GORAB: variants seen among roughly 807,000 people sequenced by gnomAD.
GORAB encodes golgin, RAB6 interacting, also known as RAB6-interacting golgin.
In GORAB, 17 loss-of-function variants were observed where a neutral mutation model predicts 29.9. The observed-to-expected ratio is 0.57, with a 90% CI of 0.39 to 0.85. The LOEUF is 0.85. Among genes scored for constraint, GORAB ranks in the 40% least tolerant of loss-of-function variants. GORAB has a pLI of 0.00. For missense variants in GORAB, 442 were observed against 437.8 expected (o/e 1.01, Z -0.09); for synonymous variants, 183 against 157.2 (o/e 1.16, Z -1.23).
chr1:170,549,216 TTATG>T (rs1649970426), intron 4 of GORAB, among the ~76,000 whole-genome samples: 1 of 152,222 alleles, frequency 6.6e-6, no homozygotes, highest in South Asian at 2.1e-4. Flanking sequence ...TCTTACTGTG[TTATG>T]TATAATGCTC....
intron 1 of GORAB, among the ~76,000 whole-genome samples, chr1:170,538,713 T>C (rs529516240): frequency 4.6e-5 from 7 of 152,348 alleles, no homozygotes; most frequent in African/African-American, 1.4e-4. Flanking sequence ...ATGCCTGTTA[T>C]AGCATCTGAA....
rs1165268185 is a variant in GORAB, at chr1:170,553,545, A to G, written c.*1083A>G. 6.9e-6 allele frequency: 3 copies of G among 433,746 alleles called. No homozygotes were observed. The highest frequency in any genetic ancestry group is 7.0e-5 in the East Asian group (1 of 14,300). The allele number at this position is 433,746 out of a possible 1,614,324, so 26.9% of individuals were successfully genotyped here. A position where few individuals can be genotyped will look rare whatever the true frequency, so the allele number is the denominator to read the frequency against. ...TTTTTTTAAAAAAAGAATTATTATC[A>G]GAGAACATAAGCACAAGTATAAGAT... On this transcript the variant is annotated 3_prime_UTR_variant, in exon 5 of 5. Transcript: ENST00000367763.
At chr1:170,551,360 G>T (rs1276868328) in intron 4 of GORAB, among the ~76,000 whole-genome samples, 1 of 152,142 alleles carries the variant, frequency 6.6e-6, no homozygotes, top group Non-Finnish European at 1.5e-5. Context: ...TCTACTTGAT[G>T]TTTACTTCTT....
intron 4 of GORAB, among the ~76,000 whole-genome samples, chr1:170,550,783 A>G (rs1650054601): frequency 6.6e-6 from 1 of 152,236 alleles, no homozygotes; most frequent in Admixed American, 6.5e-5. Flanking sequence ...GGCCTTCACA[A>G]CTGCTAATGG....
chr1:170,539,021 T>A (rs1167650120), intron 1 of GORAB, 189 bp from the exon 2 acceptor site: 1 of 658,496 alleles, frequency 1.5e-6, no homozygotes, highest in East Asian at 2.7e-5. Context: ...AATATTAACA[T>A]TATGATCTGA....
chr1:170,532,505 G>C, intron 1 of GORAB: 1 of 553,324 alleles, frequency 1.8e-6, no homozygotes, highest in South Asian at 2.0e-5. Context: ...TAGAAAAAAC[G>C]GTCCAGGAAT....
rs200082761 is a variant in GORAB, at chr1:170,539,385, T to C, written c.237T>C (p.Pro79=). ...PKQRVNVQKP[P]FSSPTLPSHF... ...AGAGAGTTAACGTTCAAAAACCACC[T>C]TTTTCTTCCCCTACTCTTCCGAGTC... The change falls in exon 2 of 5, where the codon CCT becomes CCC. Residue 79 remains proline, a synonymous_variant. Transcript: ENST00000367763. 2 of 1,614,076 alleles carry C rather than the reference T, an allele frequency of 1.2e-6. No homozygotes were observed. The highest frequency in any genetic ancestry group is 3.3e-5 in the Admixed American group (2 of 60,014).
intron 4 of GORAB, among the ~76,000 whole-genome samples, chr1:170,547,290 T>A (rs1392659872): frequency 1.3e-5 from 2 of 152,170 alleles, no homozygotes; most frequent in Admixed American, 1.3e-4. Flanking sequence ...CAAAAGGTTC[T>A]TGGATAGTGA....
chr1:170,543,202 C>T (rs182844209), intron 3 of GORAB, among the ~76,000 whole-genome samples: 4 of 152,252 alleles, frequency 2.6e-5, no homozygotes, highest in South Asian at 2.1e-4. Context: ...TTGTACCAGC[C>T]GCACACAACA....
At chr1:170,536,784 A>G (rs933001622) in intron 1 of GORAB, among the ~76,000 whole-genome samples, 1 of 152,242 alleles carries the variant, frequency 6.6e-6, no homozygotes, top group African/African-American at 2.4e-5. Context: ...ATGACTATTG[A>G]CAGTGTAATA....
rs12063774 is a variant in GORAB, at chr1:170,553,527, A to T, written c.*1065A>T. On this transcript the variant is annotated 3_prime_UTR_variant, in exon 5 of 5. Transcript: ENST00000367763. ...TTACCTTTGAGGACTTTTTTTTTTTAAAAAAAGAATTATTATCAGAGAACA... is the reference window on the plus strand; with the variant it reads ...TTACCTTTGAGGACTTTTTTTTTTTTAAAAAAGAATTATTATCAGAGAACA... The T allele has an allele frequency of 0.025, 10,604 of 424,340 alleles. 689 individuals carry two copies. Among genetic ancestry groups the T allele is most frequent in the African/African-American group, 0.17 (8,059 of 47,614 alleles). 26.3% of individuals were successfully genotyped at this position (424,340 alleles called of 1,614,324 possible).
rs1311275404 is a variant in GORAB at position 170,539,455 on chromosome 1, A to G, written c.307A>G (p.Ile103Val). ...SPVGDGQPQG[I>V]ESQPKELGLE... ...CGTTGGTGATGGACAACCACAGGGC[A>G]TTGAAAGTCAGCCAAAGGAACTGGG... Residue 103 changes from isoleucine (I) to valine (V), a missense_variant, in exon 2 of 5, where the codon ATT becomes GTT. Physicochemically the swap from Ile to Val is conservative, Grantham distance 29. Transcript: ENST00000367763. 1.2e-6 allele frequency: 2 copies of G among 1,614,012 alleles called. No individual in the cohort carries two copies. Among genetic ancestry groups the G allele is most frequent in the Non-Finnish European group, 1.7e-6 (2 of 1,179,998 alleles).
rs768414016 is a variant in GORAB at position 170,539,509 on chromosome 1, A to C, written c.361A>C (p.Asn121His). ...GLENSHDGHN[N>H]VEILPPKPDC... ...TGAGAATTCCCATGATGGTCACAAC[A>C]ATGTTGAGATTCTACCTCCAAAGCC... The change falls in exon 2 of 5, where the codon AAT (asparagine) becomes CAT (histidine). Residue 121 changes from asparagine to histidine, a missense_variant. By Grantham distance (68) the Asn-to-His change is moderately conservative. Transcript: ENST00000367763. The C allele has an allele frequency of 2.5e-6, 4 of 1,614,074 alleles. No individual in the cohort carries two copies. Among genetic ancestry groups the C allele is most frequent in the Non-Finnish European group, 3.4e-6 (4 of 1,179,984 alleles).
At chr1:170,541,472 G>T (rs66639118) in intron 2 of GORAB, among the ~76,000 whole-genome samples, 38,460 of 151,822 alleles carry the variant, frequency 0.25, 6,210 homozygotes, top group Non-Finnish European at 0.36. Flanking sequence ...AAGGCGCCTG[G>T]TGAGGAGATG....
rs768515448 is a variant in GORAB at position 170,552,531 on chromosome 1, G to C, written c.*69G>C. On this transcript the variant is annotated 3_prime_UTR_variant, in exon 5 of 5. Coordinates refer to ENST00000367763, the MANE Select transcript of GORAB (RefSeq NM_152281.3). ...TACTTTTTGCAGTAGATCATGCCCT[G>C]ACCTCCAATAAAAACCTCTTTAAAA... 8.1e-7 allele frequency: 1 copy of C among 1,236,132 alleles called. No homozygotes were observed. Among genetic ancestry groups the C allele is most frequent in the Non-Finnish European group, 1.2e-6 (1 of 842,046 alleles). 76.6% of individuals were successfully genotyped at this position (1,236,132 alleles called of 1,614,324 possible).
Position 170,539,584 on chromosome 1 carries a change from G to A in GORAB, c.419+17G>A, listed in dbSNP as rs371601165. 6.2e-7 allele frequency: 1 copy of A among 1,612,806 alleles called. No individual in the cohort carries two copies. Among genetic ancestry groups the A allele is most frequent in the Non-Finnish European group, 8.5e-7 (1 of 1,179,766 alleles). On this transcript the variant is annotated intron_variant, in intron 2 of 4. Coordinates refer to ENST00000367763, the MANE Select transcript of GORAB (RefSeq NM_152281.3). ...AGTGGAATTGTTAGTAAGTCTATGT[G>A]AAAAGTCCATGAGACTTTTCATTTA...
Position 170,552,099 on chromosome 1 carries a change from T to A in GORAB, c.747T>A (p.Thr249=). 4.3e-6 allele frequency: 7 copies of A among 1,614,110 alleles called. No individual in the cohort carries two copies. Among genetic ancestry groups the A allele is most frequent in the Non-Finnish European group, 5.9e-6 (7 of 1,179,978 alleles). ...QRKTEIKEQL[T]EHLCTIIQQN... Reference sequence around the variant, plus strand: ...AGACTGAGATAAAAGAGCAACTCACTGAACACCTTTGTACGATCATACAGC... The same window carrying A: ...AGACTGAGATAAAAGAGCAACTCACAGAACACCTTTGTACGATCATACAGC... The change falls in exon 5 of 5, where the codon ACT becomes ACA. Residue 249 remains threonine (T), a synonymous_variant. Coordinates refer to ENST00000367763, the MANE Select transcript of GORAB (RefSeq NM_152281.3).
Position 170,552,177 on chromosome 1 carries a change from T to C in GORAB, c.825T>C (p.Asp275=). Residue 275 remains aspartate (D), a synonymous_variant, in exon 5 of 5, where the codon GAT becomes GAC. Coordinates refer to ENST00000367763, the MANE Select transcript of GORAB (RefSeq NM_152281.3). ...TGGAGGAGTTGATGCAACAACTAGATGTAGAAGCCGATGAAGAGACTTTGG... is the reference window on the plus strand; with the variant it reads ...TGGAGGAGTTGATGCAACAACTAGACGTAGAAGCCGATGAAGAGACTTTGG... ...KKLEELMQQL[D]VEADEETLEL... is the part of the protein sequence containing the mutation. The C allele has an allele frequency of 2.5e-6, 4 of 1,614,034 alleles. No individual in the cohort carries two copies. The highest frequency in any genetic ancestry group is 3.4e-6 in the Non-Finnish European group (4 of 1,179,972).
At chr1:170,545,007 C>G (rs1649668642) in intron 4 of GORAB, 162 bp downstream of exon 4, 1 of 1,364,068 alleles carries the variant, frequency 7.3e-7, no homozygotes, top group African/African-American at 1.4e-5. Flanking sequence ...GTCTCCTCTT[C>G]AGTGAAGTCT....
Sources: allele counts gnomAD v4.1 joint callset (sites outside exome capture counted in the v4.1 genomes callset), GRCh38; gene constraint gnomAD v4.1.1; transcripts MANE v1.5; gene names NCBI Gene and HGNC (gene_info 2026-07-23, HGNC 2026-07-21).